ISM1: variants seen among roughly 807,000 people sequenced by gnomAD.
ISM1 encodes the protein isthmin-1.
A neutral mutation model predicts 46.3 loss-of-function variants in ISM1; 25 were observed. That is an observed-to-expected ratio of 0.54 (90% CI 0.39 to 0.75). The LOEUF (loss-of-function observed/expected upper bound fraction) is 0.75, where lower values mean the gene tolerates loss of function less well. ISM1 is among the 30% of genes least tolerant of loss of function. The probability of loss-of-function intolerance (pLI) is 0.00; values close to 1 mark genes in which losing one functional copy is unlikely to be tolerated. For synonymous variants in ISM1, 255 were observed against 256.7 expected, an observed-to-expected ratio of 0.99 and a Z score of 0.06; for missense variants, 536 against 625.4, an observed-to-expected ratio of 0.86 and a Z score of 1.52.
chr20:13,249,825 GTTTT>G (rs1351347625), intron 1 of ISM1, among the ~76,000 whole-genome samples: 2 of 131,226 alleles, frequency 1.5e-5, no homozygotes, highest in Non-Finnish European at 3.2e-5. Context: ...GTTTTGTTTT[GTTTT>G]GTTTTGTTTC....
At chr20:13,280,025 C>A in intron 3 of ISM1, 127 bp downstream of exon 3, 1 of 871,092 alleles carries the variant, frequency 1.1e-6, no homozygotes, top group Non-Finnish European at 1.7e-6. Flanking sequence ...GCAAACCTCA[C>A]AAAGGCTGTC....
Position 13,270,533 on chromosome 20 carries a change from A to G in ISM1, c.168A>G (p.Thr56=). 6.2e-7 allele frequency: 1 copy of G among 1,613,716 alleles called. No homozygotes were observed. The highest frequency in any genetic ancestry group is 1.1e-5 in the South Asian group (1 of 90,966). The change falls in exon 2 of 6, where the codon ACA becomes ACG. Residue 56 remains threonine, a synonymous_variant. Transcript: ENST00000262487. ...QNNLNVGSDT[T]SETSFSLSKE... ...ACCTCAACGTGGGAAGTGACACCACATCAGAAACCAGCTTTTCTCTCTCCA... is the reference window on the plus strand; with the variant it reads ...ACCTCAACGTGGGAAGTGACACCACGTCAGAAACCAGCTTTTCTCTCTCCA...
chr20:13,225,138 C>A (rs1196074645), intron 1 of ISM1, among the ~76,000 whole-genome samples: 1 of 152,046 alleles, frequency 6.6e-6, no homozygotes, highest in Non-Finnish European at 1.5e-5. Flanking sequence ...CAGGCGTGAG[C>A]CACCGCGCCC....
chr20:13,246,629 C>A (rs1051979390), intron 1 of ISM1, among the ~76,000 whole-genome samples: 1 of 152,170 alleles, frequency 6.6e-6, no homozygotes, highest in African/African-American at 2.4e-5. Flanking sequence ...AGATGAGAAA[C>A]CTGAGACCCG....
At chr20:13,288,807 C>CG in intron 4 of ISM1, 124 bp downstream of exon 4, 1 of 963,026 alleles carries the variant, frequency 1.0e-6, no homozygotes, top group African/African-American at 1.7e-5. Context: ...TTTTTTGAGA[C>CG]GGAGTCTCTC....
chr20:13,318,329 T>C, the ISM1 span, among the ~76,000 whole-genome samples: 1 of 152,152 alleles, frequency 6.6e-6, no homozygotes. Flanking sequence ...CAACATCAGA[T>C]GCTGACAAGG....
At chr20:13,316,047 G>A in the ISM1 span, among the ~76,000 whole-genome samples, 22 of 152,022 alleles carry the variant, frequency 1.4e-4, no homozygotes, top group African/African-American at 3.4e-4. Context: ...AAGCTTCTGC[G>A]CTGGCCAACT....
intron 1 of ISM1, among the ~76,000 whole-genome samples, chr20:13,241,384 G>A (rs1200526137): frequency 2.6e-5 from 4 of 152,180 alleles, no homozygotes; most frequent in Non-Finnish European, 4.4e-5. Context: ...CATCTGTGAG[G>A]CTGATGAGAA....
intron 1 of ISM1, among the ~76,000 whole-genome samples, chr20:13,258,673 T>C (rs1156902747): frequency 7.9e-5 from 12 of 152,088 alleles, no homozygotes; most frequent in African/African-American, 2.9e-4. Context: ...GTTCTCATGG[T>C]AGAATTCTCG....
chr20:13,312,162 T>C, the ISM1 span, among the ~76,000 whole-genome samples: 2 of 152,222 alleles, frequency 1.3e-5, no homozygotes, highest in African/African-American at 2.4e-5. Context: ...TTATCTTCTG[T>C]ATATGTGATA....
chr20:13,285,540 C>T (rs1160690227), intron 3 of ISM1, among the ~76,000 whole-genome samples: 7 of 152,136 alleles, frequency 4.6e-5, no homozygotes, highest in Admixed American at 2.0e-4. Context: ...CTAGCCTAGG[C>T]ACTTCACGCT....
At chr20:13,274,097 A>C (rs937367709) in intron 2 of ISM1, among the ~76,000 whole-genome samples, 5 of 151,682 alleles carry the variant, frequency 3.3e-5, no homozygotes, top group Non-Finnish European at 1.5e-5. Context: ...ATGTGCATGC[A>C]CACAAACACA....
At chr20:13,278,989 T>C (rs2040209881) in intron 2 of ISM1, among the ~76,000 whole-genome samples, 1 of 152,198 alleles carries the variant, frequency 6.6e-6, no homozygotes, top group African/African-American at 2.4e-5. Context: ...CCTCTGTTAA[T>C]ACCTGTCACC....
At chr20:13,251,497 TG>T (rs2039867704) in intron 1 of ISM1, among the ~76,000 whole-genome samples, 1 of 151,560 alleles carries the variant, frequency 6.6e-6, no homozygotes, top group Non-Finnish European at 1.5e-5. Context: ...GGCAGAATTC[TG>T]GGGATGGATC....
At chr20:13,284,516 C>T (rs73898742) in intron 3 of ISM1, among the ~76,000 whole-genome samples, 6 of 152,296 alleles carry the variant, frequency 3.9e-5, no homozygotes, top group African/African-American at 1.4e-4. Context: ...GGCAGTGGCC[C>T]CTGGTAGGTG....
intron 1 of ISM1, among the ~76,000 whole-genome samples, chr20:13,251,179 T>C (rs1055122500): frequency 1.3e-5 from 2 of 152,222 alleles, no homozygotes; most frequent in African/African-American, 2.4e-5. Flanking sequence ...CACCCAGTAG[T>C]TGAATGGTGA....
At chr20:13,286,798 A>G (rs1185812022) in intron 3 of ISM1, among the ~76,000 whole-genome samples, 1 of 152,194 alleles carries the variant, frequency 6.6e-6, no homozygotes, top group East Asian at 1.9e-4. Context: ...AGGTAGAAAC[A>G]TGTGTGGACT....
At chr20:13,262,559 T>C (rs1358515198) in intron 1 of ISM1, among the ~76,000 whole-genome samples, 1 of 152,128 alleles carries the variant, frequency 6.6e-6, no homozygotes, top group Non-Finnish European at 1.5e-5. Context: ...TTCATTTCAG[T>C]TCATTCTTTA....
intron 1 of ISM1, among the ~76,000 whole-genome samples, chr20:13,249,307 G>A (rs1303704607): frequency 6.6e-6 from 1 of 152,148 alleles, no homozygotes; most frequent in African/African-American, 2.4e-5. Context: ...TGAGGAGCTG[G>A]TGCAGCCATT....
Sources: gnomAD v4.1 joint callset for allele counts (sites outside exome capture counted in the v4.1 genomes callset) on GRCh38, gnomAD v4.1.1 for gene constraint, MANE v1.5 for transcripts, NCBI Gene and HGNC (gene_info 2026-07-23, HGNC 2026-07-21) for gene names.